The following SORCS1 variants were observed in gnomAD, a reference collection of about 807,000 sequenced individuals.
SORCS1 encodes the protein sortilin related VPS10 domain containing receptor 1.
SORCS1 carries 60 observed loss-of-function variants against 146.1 expected under a neutral mutation model. That is an observed-to-expected ratio of 0.41 (90% confidence interval 0.33 to 0.51). The LOEUF is 0.51. Among genes scored for constraint, SORCS1 ranks in the 20% least tolerant of loss-of-function variants. The probability of loss-of-function intolerance (pLI) is 0.21; values close to 1 mark genes in which losing one functional copy is unlikely to be tolerated. For synonymous variants in SORCS1, 637 were observed against 584.0 expected, an observed-to-expected ratio of 1.09 and a Z score of -1.31; for missense variants, 1,352 against 1,487.6, an observed-to-expected ratio of 0.91 and a Z score of 1.50.
At chr10:106,672,267 C>T (rs139655821) in intron 15 of SORCS1, among the ~76,000 whole-genome samples, 24 of 152,256 alleles carry the variant, frequency 1.6e-4, no homozygotes, top group Non-Finnish European at 1.9e-4. Flanking sequence ...ACGACTTGTA[C>T]CTTGGGAAAT....
At chr10:107,014,458 T>C (rs1329814970) in intron 1 of SORCS1, among the ~76,000 whole-genome samples, 1 of 152,126 alleles carries the variant, frequency 6.6e-6, no homozygotes, top group Non-Finnish European at 1.5e-5. Context: ...TGTCAAAAGT[T>C]TGCAAAGTTT....
chr10:106,592,081 A>T (rs956237621), intron 24 of SORCS1, among the ~76,000 whole-genome samples: 14 of 152,212 alleles, frequency 9.2e-5, no homozygotes, highest in Non-Finnish European at 1.9e-4. Context: ...GGAGCCACTC[A>T]GGCCATGACC....
intron 2 of SORCS1, among the ~76,000 whole-genome samples, chr10:106,848,954 C>A (rs1002049705): frequency 3.0e-4 from 45 of 150,814 alleles, no homozygotes; most frequent in African/African-American, 9.9e-4. Flanking sequence ...CCGAGAGATC[C>A]GCTGTTAGTC....
At chr10:106,914,391 A>G (rs532575649) in intron 2 of SORCS1, among the ~76,000 whole-genome samples, 2 of 152,304 alleles carry the variant, frequency 1.3e-5, no homozygotes, top group South Asian at 2.1e-4. Context: ...TGTGCGAGCA[A>G]AAAGCCACAA....
chr10:106,773,535 G>C (rs148540631), intron 4 of SORCS1, among the ~76,000 whole-genome samples: 292 of 152,274 alleles, frequency 1.9e-3, no homozygotes, highest in African/African-American at 6.7e-3. Context: ...TTGTAGAGCT[G>C]GCTATCCATG....
intron 1 of SORCS1, among the ~76,000 whole-genome samples, chr10:107,109,317 T>C (rs1180659551): frequency 6.6e-6 from 1 of 152,234 alleles, no homozygotes; most frequent in Non-Finnish European, 1.5e-5. Flanking sequence ...CCTGGGCACC[T>C]AGGCTTTCTC....
At chr10:106,733,735 C>T (rs1035945578) in intron 5 of SORCS1, among the ~76,000 whole-genome samples, 10 of 152,184 alleles carry the variant, frequency 6.6e-5, no homozygotes, top group African/African-American at 2.4e-4. Context: ...GTCTTACTTG[C>T]AGAATGAGAT....
chr10:106,730,623 T>A (rs1049789437), intron 5 of SORCS1, among the ~76,000 whole-genome samples: 16 of 152,146 alleles, frequency 1.1e-4, no homozygotes, highest in Non-Finnish European at 1.6e-4. Context: ...CTCTGTATTG[T>A]CGAACCCGTG....
At chr10:106,862,831 G>A (rs1326698559) in intron 2 of SORCS1, among the ~76,000 whole-genome samples, 3 of 144,600 alleles carry the variant, frequency 2.1e-5, no homozygotes, top group Non-Finnish European at 4.5e-5. Flanking sequence ...TGATTCTGCA[G>A]ATGAAGTAGC....
At chr10:106,927,451 T>C (rs1302137495) in intron 2 of SORCS1, among the ~76,000 whole-genome samples, 2 of 152,018 alleles carry the variant, frequency 1.3e-5, no homozygotes, top group African/African-American at 4.8e-5. Flanking sequence ...ATAAAGGCAG[T>C]GTGGACCCAA....
chr10:106,919,317 G>GT (rs1478191316), intron 2 of SORCS1, among the ~76,000 whole-genome samples: 7 of 152,166 alleles, frequency 4.6e-5, no homozygotes, highest in Non-Finnish European at 1.0e-4. Flanking sequence ...ACCATATGGG[G>GT]TTTTTCCCCC....
Position 107,093,236 on chromosome 10 carries a change from G to A in SORCS1, c.558+70733C>T, listed in dbSNP as rs537224374. Among the ~76,000 whole-genome samples, 8 of 152,240 alleles carry A rather than the reference G, an allele frequency of 5.3e-5. No individual in the cohort carries two copies. The South Asian group carries it at 1.2e-3, about 24-fold the overall frequency. On this transcript the variant is annotated intron_variant, in intron 1 of 25. Coordinates refer to ENST00000263054, the MANE Select transcript of SORCS1 (RefSeq NM_052918.5). Reference sequence around the variant, plus strand: ...TATATGCCCAGCACATACACACTTCGATTGACCGACAGTGCTGCATCCCTG... The same window carrying A: ...TATATGCCCAGCACATACACACTTCAATTGACCGACAGTGCTGCATCCCTG...
At chr10:106,711,165 A>C (rs1854953644) in intron 6 of SORCS1, among the ~76,000 whole-genome samples, 2 of 152,218 alleles carry the variant, frequency 1.3e-5, no homozygotes. Flanking sequence ...TTCCTGGCAC[A>C]CAGTAGGCAA....
intron 24 of SORCS1, among the ~76,000 whole-genome samples, chr10:106,593,450 G>T (rs1039968409): frequency 4.6e-5 from 7 of 152,030 alleles, no homozygotes; most frequent in Admixed American, 4.6e-4. Context: ...TGTGGACACC[G>T]CCAGCTCTAA....
chr10:106,984,153 T>C (rs757347257), intron 1 of SORCS1, among the ~76,000 whole-genome samples: 2 of 152,166 alleles, frequency 1.3e-5, no homozygotes, highest in Admixed American at 6.5e-5. Context: ...AAGGGAACCA[T>C]AAAGACAAGG....
rs1188373033 is a variant in SORCS1 at position 106,658,206 on chromosome 10, G to T, written c.2304-5653C>A. Among the ~76,000 whole-genome samples, 3 of 152,066 alleles carry T rather than the reference G, an allele frequency of 2.0e-5. No homozygotes were observed. The South Asian group carries it at 6.2e-4, about 32-fold the overall frequency. On this transcript the variant is annotated intron_variant, in intron 17 of 25. Coordinates refer to ENST00000263054, the MANE Select transcript of SORCS1 (RefSeq NM_052918.5). Reference sequence around the variant, plus strand: ...ATTTTTCTAGCATCATCCATGGCCTGACATGCGCCCTGAACCAAGCCATTC... The same window carrying T: ...ATTTTTCTAGCATCATCCATGGCCTTACATGCGCCCTGAACCAAGCCATTC...
At chr10:107,080,045 A>T (rs572428518) in intron 1 of SORCS1, among the ~76,000 whole-genome samples, 1 of 152,360 alleles carries the variant, frequency 6.6e-6, no homozygotes, top group Non-Finnish European at 1.5e-5. Context: ...ACAAATGAAT[A>T]TATTACAAAC....
At chr10:106,950,181 C>T (rs13328739) in intron 2 of SORCS1, among the ~76,000 whole-genome samples, 3,432 of 152,250 alleles carry the variant, frequency 0.023, 99 homozygotes, top group South Asian at 0.11. Flanking sequence ...AAGAACAACA[C>T]AAAACGAAAC....
chr10:106,573,700 G>T lies in SORCS1; in HGVS notation c.*3720C>A, dbSNP rs922429739. 2.0e-5 allele frequency: 3 copies of T among 152,180 alleles called. No individual in the cohort carries two copies. Among genetic ancestry groups the T allele is most frequent in the African/African-American group, 4.8e-5 (2 of 41,442 alleles). The allele number at this position is 152,180 out of a possible 1,614,324, so 9.4% of individuals were successfully genotyped here. Reference sequence around the variant, plus strand: ...CAAAGTAATTTAATAAACAGACATTGTATAGTTAATTGAAATGCAGGTAGA... The same window carrying T: ...CAAAGTAATTTAATAAACAGACATTTTATAGTTAATTGAAATGCAGGTAGA... On this transcript the variant is annotated 3_prime_UTR_variant, in exon 26 of 26. Transcript: ENST00000263054.
Sources: allele counts gnomAD v4.1 joint callset (sites outside exome capture counted in the v4.1 genomes callset), GRCh38; gene constraint gnomAD v4.1.1; transcripts MANE v1.5; gene names NCBI Gene and HGNC (gene_info 2026-07-23, HGNC 2026-07-21).